The following MGA variants were observed in gnomAD, a reference collection of about 807,000 sequenced individuals.
MGA encodes MAX gene-associated protein.
Under a neutral mutation model 261.1 loss-of-function variants are expected in MGA, and 40 were observed. The observed-to-expected ratio is 0.15, with a 90% CI of 0.12 to 0.20. The LOEUF is 0.20. MGA is among the 10% of genes least tolerant of loss of function. The pLI, the probability that MGA is intolerant of heterozygous loss-of-function variation, is 1.00. For missense variants in MGA, 3,397 were observed against 3,630.5 expected (o/e 0.94, Z 1.65); for synonymous variants, 1,302 against 1,290.6 (o/e 1.01, Z -0.19).
intron 2 of MGA, among the ~76,000 whole-genome samples, chr15:41,687,745 T>C (rs2059045881): frequency 6.6e-6 from 1 of 152,214 alleles, no homozygotes; most frequent in Non-Finnish European, 1.5e-5. Flanking sequence ...GTGTCATCTG[T>C]TTCTGATTGA....
rs756897766 is a variant in MGA at position 41,708,174 on chromosome 15, A to G, written c.2391A>G (p.Gly797=). ...TCACTAAGATCAAGGGATGGAGGGG[A>G]AAATTTCATAGTGCTTCTGCATCTA... Residue 797 remains glycine (G), a synonymous_variant, in exon 7 of 24, where the codon GGA becomes GGG. Coordinates refer to ENST00000219905, the MANE Select transcript of MGA (RefSeq NM_001164273.2). 7 of 1,600,114 alleles carry G rather than the reference A, an allele frequency of 4.4e-6. No homozygotes were observed. Among genetic ancestry groups the G allele is most frequent in the East Asian group, 4.5e-5 (2 of 44,668 alleles).
chr15:41,717,282 G>A (rs979952778), intron 9 of MGA, among the ~76,000 whole-genome samples: 4 of 152,120 alleles, frequency 2.6e-5, no homozygotes, highest in African/African-American at 9.7e-5. Context: ...CCTAGCTGTT[G>A]TGGGTAGTAC....
chr15:41,710,092 G>A (rs905159850), intron 7 of MGA, among the ~76,000 whole-genome samples: 1 of 152,062 alleles, frequency 6.6e-6, no homozygotes, highest in Non-Finnish European at 1.5e-5. Context: ...CTCCCAAAGC[G>A]CTGGGATTGC....
intron 1 of MGA, among the ~76,000 whole-genome samples, chr15:41,649,238 T>G (rs545377984): frequency 6.6e-6 from 1 of 151,968 alleles, no homozygotes; most frequent in South Asian, 2.1e-4. Context: ...AAAAATTAGC[T>G]GGTCATGGTG....
intron 18 of MGA, among the ~76,000 whole-genome samples, chr15:41,755,050 T>A (rs1002980540): frequency 6.6e-6 from 1 of 152,208 alleles, no homozygotes; most frequent in East Asian, 1.9e-4. Context: ...GTTGAACAGG[T>A]GAGATACAGG....
At chr15:41,733,222 T>C (rs1025729991) in intron 11 of MGA, among the ~76,000 whole-genome samples, 1 of 152,154 alleles carries the variant, frequency 6.6e-6, no homozygotes, top group Non-Finnish European at 1.5e-5. Context: ...CCTCCCAAAG[T>C]GCTGGATTAC....
In MGA at chr15:41,738,883, C is replaced by A. The variant is rs1595921748; in HGVS notation, c.4435-1170C>A. ...TTCTTGATCTCTGTGGGAATAATCA[C>A]AATTTAACCAAAGTAGCAAAGAGTA... is the stretch of plus-strand genomic sequence containing the variant. On this transcript the variant is annotated intron_variant, in intron 13 of 23. Coordinates refer to ENST00000219905, the MANE Select transcript of MGA (RefSeq NM_001164273.2). Among the ~76,000 whole-genome samples, 2 of 152,260 alleles carry A rather than the reference C, an allele frequency of 1.3e-5. 1 individual carries two copies. Among genetic ancestry groups the A allele is most frequent in the Non-Finnish European group, 2.9e-5 (2 of 68,018 alleles).
chr15:41,655,547 T>C (rs375468153), upstream of MGA, among the ~76,000 whole-genome samples: 114 of 152,348 alleles, frequency 7.5e-4, 3 homozygotes, highest in South Asian at 0.022. Context: ...AGTTATACTT[T>C]TTTTTATTTT....
rs1267058686 is a variant in MGA, at chr15:41,727,174, G to T, written c.3431-6G>T. 3.1e-6 allele frequency: 5 copies of T among 1,599,398 alleles called. No homozygotes were observed. Among genetic ancestry groups the T allele is most frequent in the Admixed American group, 3.6e-5 (2 of 56,336 alleles). On this transcript the variant is annotated splice_polypyrimidine_tract_variant and splice_region_variant and intron_variant, in intron 9 of 23. Transcript: ENST00000219905. ...ACCTAAAACCTTACCCTTCTTTTTT[G>T]TTAAGCTATATGTGAGACAGAGCCT...
At chr15:41,719,972 C>G (rs2060852051) in intron 9 of MGA, among the ~76,000 whole-genome samples, 1 of 151,944 alleles carries the variant, frequency 6.6e-6, no homozygotes, top group Non-Finnish European at 1.5e-5. Context: ...AATAACTTAG[C>G]AAGTGAACCT....
At chr15:41,655,139 C>T (rs1355980773) in intron 1 of MGA, among the ~76,000 whole-genome samples, 1 of 151,822 alleles carries the variant, frequency 6.6e-6, no homozygotes, top group Non-Finnish European at 1.5e-5. Flanking sequence ...TGCATGTAAC[C>T]CATGTACATC....
intron 1 of MGA, among the ~76,000 whole-genome samples, chr15:41,668,437 A>G (rs1426951560): frequency 6.6e-6 from 1 of 152,138 alleles, no homozygotes; most frequent in African/African-American, 2.4e-5. Context: ...TTGCTATATA[A>G]AGGAATCTTC....
intron 1 of MGA, among the ~76,000 whole-genome samples, chr15:41,623,557 C>T (rs2056362392): frequency 6.6e-6 from 1 of 151,784 alleles, no homozygotes; most frequent in African/African-American, 2.4e-5. Flanking sequence ...CTAGCCTGAC[C>T]AACATGGAAA....
chr15:41,710,599 G>A, intron 7 of MGA, 92 bp from the exon 8 acceptor site: 3 of 1,235,556 alleles, frequency 2.4e-6, no homozygotes, highest in Non-Finnish European at 3.3e-6. Flanking sequence ...CTATCTTGTA[G>A]CTCAATATTC....
chr15:41,623,087 A>G (rs1333520264), intron 1 of MGA, among the ~76,000 whole-genome samples: 1 of 152,160 alleles, frequency 6.6e-6, no homozygotes. Context: ...TCTCCGTTTT[A>G]CCACTGAGGA....
intron 1 of MGA, among the ~76,000 whole-genome samples, chr15:41,623,467 G>A (rs1018435578): frequency 3.9e-5 from 6 of 152,072 alleles, no homozygotes; most frequent in East Asian, 1.9e-4. Flanking sequence ...TAAAATTGCC[G>A]GGTGTGGTGG....
chr15:41,667,330 C>T (rs1016370101), intron 1 of MGA, among the ~76,000 whole-genome samples: 1 of 151,560 alleles, frequency 6.6e-6, no homozygotes, highest in African/African-American at 2.4e-5. Context: ...CGCTGCAACT[C>T]CACCTCCTGG....
Position 41,736,385 on chromosome 15 carries a change from T to C in MGA, c.4121T>C (p.Ile1374Thr). The stretch of plus-strand genomic sequence containing the variant: ...TCACTTAAGGTGGGCAGCTTCATCA[T>C]TGAGTTGGCTTCTCAGCGAAAGAGC... The change falls in exon 13 of 24, where the codon ATT becomes ACT. Residue 1374 changes from isoleucine to threonine, a missense_variant. Coordinates refer to ENST00000219905, the MANE Select transcript of MGA (RefSeq NM_001164273.2). 6.2e-7 allele frequency: 1 copy of C among 1,614,012 alleles called. No homozygotes were observed. The highest frequency in any genetic ancestry group is 8.5e-7 in the Non-Finnish European group (1 of 1,179,890).
chr15:41,687,306 A>T (rs960100069), intron 2 of MGA, among the ~76,000 whole-genome samples: 1 of 151,956 alleles, frequency 6.6e-6, no homozygotes, highest in Non-Finnish European at 1.5e-5. Context: ...GTGATTGGGG[A>T]AAAAAAATAG....
Sources: allele counts gnomAD v4.1 joint callset (sites outside exome capture counted in the v4.1 genomes callset), GRCh38; gene constraint gnomAD v4.1.1; transcripts MANE v1.5; gene names NCBI Gene and HGNC (gene_info 2026-07-23, HGNC 2026-07-21).